TMEM163: variants seen among roughly 807,000 people sequenced by gnomAD.
TMEM163 encodes the protein transmembrane protein 163.
TMEM163 carries 17 observed loss-of-function variants against 29.3 expected under a neutral mutation model. That is an observed-to-expected ratio of 0.58 (90% CI 0.40 to 0.87). The LOEUF (loss-of-function observed/expected upper bound fraction) is 0.87. Among genes scored for constraint, TMEM163 ranks in the 40% least tolerant of loss-of-function variants. The probability of loss-of-function intolerance (pLI) is 0.00; values close to 1 mark genes in which losing one functional copy is unlikely to be tolerated. For missense variants in TMEM163, 303 were observed against 381.5 expected, an observed-to-expected ratio of 0.79 and a Z score of 1.71; for synonymous variants, 157 against 160.6, an observed-to-expected ratio of 0.98 and a Z score of 0.17.
At chr2:134,613,793 A>G (rs955835170) in intron 2 of TMEM163, among the ~76,000 whole-genome samples, 3 of 152,178 alleles carry the variant, frequency 2.0e-5, no homozygotes, top group Non-Finnish European at 2.9e-5. Flanking sequence ...AACACTTATG[A>G]GATCTATATG....
chr2:134,479,186 C>T (rs780826552), intron 5 of TMEM163, among the ~76,000 whole-genome samples: 2 of 152,128 alleles, frequency 1.3e-5, no homozygotes, highest in Non-Finnish European at 2.9e-5. Context: ...CTATGGCATT[C>T]GGTGATAGCA....
chr2:134,670,978 T>C (rs932973922), intron 2 of TMEM163, among the ~76,000 whole-genome samples: 3 of 152,192 alleles, frequency 2.0e-5, no homozygotes, highest in Non-Finnish European at 4.4e-5. Context: ...CACAGGACTC[T>C]AGGAACTCAA....
intron 2 of TMEM163, among the ~76,000 whole-genome samples, chr2:134,657,718 G>A (rs1270635627): frequency 1.3e-5 from 2 of 152,184 alleles, no homozygotes; most frequent in African/African-American, 2.4e-5. Context: ...CAGGAGAATC[G>A]CCTATATCTG....
At chr2:134,561,587 G>A (rs932436886) in intron 2 of TMEM163, among the ~76,000 whole-genome samples, 4 of 152,150 alleles carry the variant, frequency 2.6e-5, no homozygotes, top group Non-Finnish European at 4.4e-5. Flanking sequence ...CTGACCTCGC[G>A]ATCCGCCTGA....
chr2:134,662,388 C>G (rs1289700194), intron 2 of TMEM163, among the ~76,000 whole-genome samples: 3 of 152,064 alleles, frequency 2.0e-5, no homozygotes, highest in Admixed American at 6.6e-5. Context: ...AATATAAGGA[C>G]AAGTATATGT....
At chr2:134,509,754 G>T (rs1438196168) in intron 4 of TMEM163, among the ~76,000 whole-genome samples, 1 of 152,168 alleles carries the variant, frequency 6.6e-6, no homozygotes, top group Non-Finnish European at 1.5e-5. Flanking sequence ...ATAGGCAATG[G>T]ACAAGGAATA....
intron 2 of TMEM163, among the ~76,000 whole-genome samples, chr2:134,635,519 G>A (rs963539622): frequency 6.6e-6 from 1 of 152,042 alleles, no homozygotes; most frequent in Non-Finnish European, 1.5e-5. Context: ...TATACTAGAG[G>A]GACCAGAACA....
rs116095968 is a variant in TMEM163 at position 134,573,801 on chromosome 2, G to C, written c.323-21710C>G. ...TCACTGTTTTAGGCTTTGTGTCTTT[G>C]CATTCTGCAACACTTCAAATGCCTT... On this transcript the variant is annotated intron_variant, in intron 2 of 7. Transcript: ENST00000281924. Among the ~76,000 whole-genome samples the C allele has an allele frequency of 4.2e-3, 634 of 152,302 alleles. 3 individuals are homozygous for C. Among genetic ancestry groups the C allele is most frequent in the Non-Finnish European group, 7.0e-3 (476 of 68,022 alleles).
chr2:134,487,966 C>T (rs952251153), intron 5 of TMEM163, among the ~76,000 whole-genome samples: 3 of 151,580 alleles, frequency 2.0e-5, no homozygotes, highest in Non-Finnish European at 4.4e-5. Flanking sequence ...CCTCTATGTC[C>T]TCCCTTGCCA....
chr2:134,610,500 C>T (rs1294819877), intron 2 of TMEM163, among the ~76,000 whole-genome samples: 1 of 152,158 alleles, frequency 6.6e-6, no homozygotes, highest in East Asian at 1.9e-4. Flanking sequence ...CCGGTGGATT[C>T]CCAAGTGATG....
At chr2:134,532,695 A>T (rs1680441030) in intron 4 of TMEM163, among the ~76,000 whole-genome samples, 1 of 152,214 alleles carries the variant, frequency 6.6e-6, no homozygotes, top group South Asian at 2.1e-4. Flanking sequence ...TATTGGGAAA[A>T]GCAACCTAAT....
At chr2:134,682,010 C>T (rs906188076) in intron 2 of TMEM163, among the ~76,000 whole-genome samples, 1 of 152,144 alleles carries the variant, frequency 6.6e-6, no homozygotes, top group Non-Finnish European at 1.5e-5. Context: ...CCTAAGAAAA[C>T]AAATACAGAA....
At chr2:134,580,150 A>G (rs1487818850) in intron 2 of TMEM163, among the ~76,000 whole-genome samples, 1 of 152,224 alleles carries the variant, frequency 6.6e-6, no homozygotes, top group African/African-American at 2.4e-5. Flanking sequence ...ATTTTCTTAA[A>G]TTGAGACGAT....
intron 4 of TMEM163, among the ~76,000 whole-genome samples, chr2:134,524,463 T>A (rs1030179183): frequency 6.7e-6 from 1 of 150,238 alleles, no homozygotes; most frequent in African/African-American, 2.4e-5. Context: ...GCTGCACCCA[T>A]CAACACATCA....
intron 5 of TMEM163, among the ~76,000 whole-genome samples, chr2:134,483,698 AGC>A (rs1679253614): frequency 6.6e-6 from 1 of 152,082 alleles, no homozygotes; most frequent in South Asian, 2.1e-4. Flanking sequence ...GAGGCATTCA[AGC>A]GCCCATCTGT....
chr2:134,506,197 C>T (rs752630294), intron 4 of TMEM163, among the ~76,000 whole-genome samples: 6 of 152,146 alleles, frequency 3.9e-5, no homozygotes, highest in Non-Finnish European at 5.9e-5. Flanking sequence ...GAATATACTC[C>T]AAAATGTGTC....
chr2:134,584,396 T>G (rs1681763899), intron 2 of TMEM163, among the ~76,000 whole-genome samples: 1 of 152,194 alleles, frequency 6.6e-6, no homozygotes, highest in South Asian at 2.1e-4. Flanking sequence ...ATGTGTGCAC[T>G]AAGATCCTAC....
At chr2:134,701,096 G>A (rs757457973) in intron 2 of TMEM163, among the ~76,000 whole-genome samples, 51 of 151,704 alleles carry the variant, frequency 3.4e-4, no homozygotes, top group East Asian at 5.8e-4. Flanking sequence ...GAGCTCAGAC[G>A]ATGTACAAAG....
chr2:134,570,619 T>C (rs1339266968), intron 2 of TMEM163, among the ~76,000 whole-genome samples: 1 of 152,136 alleles, frequency 6.6e-6, no homozygotes, highest in African/African-American at 2.4e-5. Context: ...AGTGGAGCAG[T>C]TGACAGTAAT....
Sources: gnomAD v4.1 joint callset for allele counts (sites outside exome capture counted in the v4.1 genomes callset) on GRCh38, gnomAD v4.1.1 for gene constraint, MANE v1.5 for transcripts, NCBI Gene and HGNC (gene_info 2026-07-23, HGNC 2026-07-21) for gene names.